Variants in TBC1D5 observed in about 807,000 individuals in gnomAD.
TBC1D5 encodes the protein TBC1 domain family, member 5.
In TBC1D5, 75 loss-of-function variants were observed where a neutral mutation model predicts 100.3. The ratio of observed to expected loss-of-function variants is 0.75; its 90% confidence interval spans 0.62 to 0.91. TBC1D5 has a LOEUF of 0.91. Among genes scored for constraint, TBC1D5 ranks in the 40% least tolerant of loss-of-function variants. The pLI, the probability that TBC1D5 is intolerant of heterozygous loss-of-function variation, is 0.00. For synonymous variants in TBC1D5, 323 were observed against 325.6 expected (o/e 0.99, Z 0.09); for missense variants, 910 against 942.4 (o/e 0.97, Z 0.45).
At position 17,404,684 on chromosome 3, in the gene TBC1D5, C is replaced by T. The variant is rs201806263; in HGVS notation, c.441+10G>A. The T allele has an allele frequency of 1.6e-5, 26 of 1,588,430 alleles. No homozygotes were observed. The highest frequency in any genetic ancestry group is 3.7e-5 in the Admixed American group (2 of 54,354). ...AAAGAGGTTAAGACATGAACAAAGA[C>T]GAACTTTACCCCTTCATCCTGTGAA... On this transcript the variant is annotated intron_variant, in intron 7 of 21. Coordinates refer to ENST00000253692, the Ensembl canonical transcript of TBC1D5.
chr3:17,572,150 T>C (rs1454762988), intron 2 of TBC1D5, among the ~76,000 whole-genome samples: 1 of 151,938 alleles, frequency 6.6e-6, no homozygotes, highest in Non-Finnish European at 1.5e-5. Flanking sequence ...CTGAAGGCTT[T>C]CCCTGCTTAT....
At chr3:17,695,575 C>G (rs1255486594) in intron 1 of TBC1D5, among the ~76,000 whole-genome samples, 2 of 152,200 alleles carry the variant, frequency 1.3e-5, no homozygotes, top group African/African-American at 4.8e-5. Flanking sequence ...ACACCCAATA[C>G]AGGAGCACCC....
intron 8 of TBC1D5, among the ~76,000 whole-genome samples, chr3:17,389,667 C>A (rs2152309068): frequency 6.6e-6 from 1 of 152,242 alleles, no homozygotes; most frequent in South Asian, 2.1e-4. Context: ...CCAGCCAACA[C>A]CATGTGCAAC....
intron 8 of TBC1D5, among the ~76,000 whole-genome samples, chr3:17,387,862 T>C (rs1471558009): frequency 6.6e-6 from 1 of 151,468 alleles, no homozygotes; most frequent in Non-Finnish European, 1.5e-5. Flanking sequence ...GAGAGAAATT[T>C]AGAATTAAAA....
chr3:17,295,420 G>GCATTACCTC (rs1408047798), intron 14 of TBC1D5, among the ~76,000 whole-genome samples: 1 of 152,220 alleles, frequency 6.6e-6, no homozygotes, highest in Non-Finnish European at 1.5e-5. Flanking sequence ...TTGATGAATA[G>GCATTACCTC]CATTACCTCC....
At position 17,542,937 on chromosome 3, in the gene TBC1D5, C is replaced by T. The variant is rs117757511; in HGVS notation, c.-35-34332G>A. On this transcript the variant is annotated intron_variant, in intron 2 of 21. Transcript: ENST00000253692. Reference sequence around the variant, plus strand: ...GAACTTAAACTGGTATTATTAGGAACGTTTTTCTTGAACATACTTGCTCAT... The same window carrying T: ...GAACTTAAACTGGTATTATTAGGAATGTTTTTCTTGAACATACTTGCTCAT... Among the ~76,000 whole-genome samples the T allele has an allele frequency of 1.6e-4, 25 of 152,232 alleles. No individual in the cohort carries two copies. In the East Asian group the frequency reaches 3.5e-3, roughly 21 times the overall value.
chr3:17,271,689 T>C (rs1044110503), intron 15 of TBC1D5, among the ~76,000 whole-genome samples: 3 of 152,100 alleles, frequency 2.0e-5, no homozygotes, highest in Admixed American at 6.5e-5. Flanking sequence ...TTCCAGTTCT[T>C]AAGGGGAATG....
At chr3:17,345,821 C>A (rs1376767514) in intron 13 of TBC1D5, among the ~76,000 whole-genome samples, 1 of 150,574 alleles carries the variant, frequency 6.6e-6, no homozygotes. Context: ...ATCGCAAGGA[C>A]AAAATACCAA....
chr3:17,592,840 T>C (rs1325366397), intron 2 of TBC1D5, among the ~76,000 whole-genome samples: 1 of 152,186 alleles, frequency 6.6e-6, no homozygotes, highest in Non-Finnish European at 1.5e-5. Context: ...CTTCTGTAGA[T>C]AACTACTCTC....
intron 13 of TBC1D5, among the ~76,000 whole-genome samples, chr3:17,343,810 G>A (rs1332790431): frequency 3.3e-5 from 5 of 152,084 alleles, no homozygotes; most frequent in Admixed American, 3.3e-4. Flanking sequence ...GATCGGTGGT[G>A]ATATCCCCTT....
chr3:17,377,785 GC>G (rs2092770134), intron 9 of TBC1D5, among the ~76,000 whole-genome samples: 1 of 151,806 alleles, frequency 6.6e-6, no homozygotes, highest in Non-Finnish European at 1.5e-5. Flanking sequence ...GTTATCACTA[GC>G]TTTGAATTAA....
chr3:17,385,939 G>A (rs915497179), intron 8 of TBC1D5, among the ~76,000 whole-genome samples: 2 of 152,084 alleles, frequency 1.3e-5, no homozygotes, highest in African/African-American at 4.8e-5. Flanking sequence ...GCAGAATGAT[G>A]TCAAATGCAC....
intron 16 of TBC1D5, among the ~76,000 whole-genome samples, chr3:17,243,367 T>A (rs528001376): frequency 5.9e-5 from 9 of 152,272 alleles, no homozygotes; most frequent in African/African-American, 1.7e-4. Context: ...AAGAATCAAA[T>A]TTTTTAATGT....
intron 2 of TBC1D5, among the ~76,000 whole-genome samples, chr3:17,578,366 G>C (rs1047490232): frequency 6.6e-5 from 10 of 151,912 alleles, no homozygotes; most frequent in Non-Finnish European, 1.2e-4. Context: ...GCCAAAGCAG[G>C]ACTTATCCTC....
intron 3 of TBC1D5, among the ~76,000 whole-genome samples, chr3:17,461,626 C>T (rs1485136960): frequency 6.6e-6 from 1 of 151,798 alleles, no homozygotes. Context: ...AAATCTGTCT[C>T]TTTTTCTGTG....
At chr3:17,496,431 T>A (rs1471202241) in intron 3 of TBC1D5, among the ~76,000 whole-genome samples, 1 of 152,026 alleles carries the variant, frequency 6.6e-6, no homozygotes, top group Non-Finnish European at 1.5e-5. Context: ...CTCGTACATG[T>A]ACATATATAC....
chr3:17,576,939 T>C (rs1194933457), intron 2 of TBC1D5, among the ~76,000 whole-genome samples: 1 of 151,976 alleles, frequency 6.6e-6, no homozygotes, highest in East Asian at 1.9e-4. Context: ...TATAATCACA[T>C]GTAATATAGG....
intron 13 of TBC1D5, among the ~76,000 whole-genome samples, chr3:17,362,632 T>A (rs769747188): frequency 1.3e-4 from 20 of 152,070 alleles, no homozygotes; most frequent in Non-Finnish European, 2.9e-4. Flanking sequence ...CCACCTCACA[T>A]GACTAAGTTT....
intron 16 of TBC1D5, among the ~76,000 whole-genome samples, chr3:17,251,433 C>A (rs140155931): frequency 3.5e-5 from 5 of 144,430 alleles, no homozygotes; most frequent in Non-Finnish European, 3.1e-5. Context: ...GAACCCCCCC[C>A]CCCCCAGTAG....
Sources: allele counts gnomAD v4.1 joint callset (sites outside exome capture counted in the v4.1 genomes callset), GRCh38; gene constraint gnomAD v4.1.1; transcripts MANE v1.5; gene names NCBI Gene and HGNC (gene_info 2026-07-23, HGNC 2026-07-21).